PRICKLE3: variants seen among roughly 807,000 people sequenced by gnomAD.
The protein encoded by PRICKLE3 is prickle planar cell polarity protein 3.
In PRICKLE3, 17 loss-of-function variants were observed where a neutral mutation model predicts 33.8. That is an observed-to-expected ratio of 0.50 (90% CI 0.34 to 0.75). The LOEUF (loss-of-function observed/expected upper bound fraction) is 0.75. Ranked by LOEUF, PRICKLE3 falls within the 30% of genes least tolerant of loss-of-function variation. The probability of loss-of-function intolerance (pLI) is 0.01; values close to 1 mark genes in which losing one functional copy is unlikely to be tolerated. For synonymous variants in PRICKLE3, 211 were observed against 219.6 expected, an observed-to-expected ratio of 0.96 and a Z score of 0.34; for missense variants, 573 against 576.7, an observed-to-expected ratio of 0.99 and a Z score of 0.07.
At position 49,175,685 on chromosome X, in the gene PRICKLE3, G is replaced by A. The variant is rs782597983; in HGVS notation, c.1836C>T (p.Cys612=). ...GMPRQARDKN[C]IVA Reference sequence around the variant, plus strand: ...GGACGGCCTGCCTTCAAGCCACGATGCAGTTCTTGTCTCGGGCCTGACGAG... The same window carrying A: ...GGACGGCCTGCCTTCAAGCCACGATACAGTTCTTGTCTCGGGCCTGACGAG... Residue 612 remains cysteine, a synonymous_variant, in exon 9 of 9, where the codon TGC becomes TGT. Transcript: ENST00000599218. The A allele has an allele frequency of 9.3e-5, 113 of 1,208,693 alleles. No homozygotes were observed. The Admixed American group carries it at 2.4e-3, about 26-fold the overall frequency.
At chrX:49,178,585 T>G in intron 5 of PRICKLE3, 110 bp from the exon 6 acceptor site, 1 of 789,499 alleles carries the variant, frequency 1.3e-6, no homozygotes, top group South Asian at 2.5e-5. Flanking sequence ...AGTGAAACTT[T>G]GTGATCAGCC....
Position 49,177,158 on chromosome X carries a change from C to A in PRICKLE3, c.1000G>T (p.Ala334Ser). Residue 334 changes from alanine to serine, a missense_variant, in exon 8 of 9, where the codon GCC becomes TCC. Transcript: ENST00000599218. The part of the protein sequence containing the change: ...QMAYEGQHWH[A>S]SDRCFCCSRC... ...CTACAGCAGAAGCAGCGGTCTGAGGCATGCCAGTGCTGGCCCTCGTAAGCC... is the reference window on the plus strand; with the variant it reads ...CTACAGCAGAAGCAGCGGTCTGAGGAATGCCAGTGCTGGCCCTCGTAAGCC... 1 of 1,193,075 alleles carries A rather than the reference C, an allele frequency of 8.4e-7. No individual in the cohort carries two copies. Among genetic ancestry groups the A allele is most frequent in the Admixed American group, 2.3e-5 (1 of 43,011 alleles).
Position 49,186,321 on chromosome X carries a change from CG to C in PRICKLE3, c.-25del. 1 of 1,121,022 alleles carries C rather than the reference CG, an allele frequency of 8.9e-7. No individual in the cohort carries two copies. The highest frequency in any genetic ancestry group is 1.2e-6 in the Non-Finnish European group (1 of 850,723). The allele number at this position is 1,121,022 out of a possible 1,213,427, so 92.4% of individuals were successfully genotyped here. A position where few individuals can be genotyped will look rare whatever the true frequency, so the allele number is the denominator to read the frequency against. Reference sequence around the variant, plus strand: ...ATGGCGCGCCCGGGCAGGGTCAAGCCGGGCCGGGTCAGGCGAATGTAATCCT... The same window carrying C: ...ATGGCGCGCCCGGGCAGGGTCAAGCCGGCCGGGTCAGGCGAATGTAATCCT... On this transcript the variant is annotated 5_prime_UTR_variant, in exon 1 of 9. Transcript: ENST00000599218.
At position 49,175,122 on chromosome X, in the gene PRICKLE3, G is replaced by T; in HGVS notation, c.*551C>A. 4.8e-6 allele frequency: 1 copy of T among 206,718 alleles called. No homozygotes were observed. Among genetic ancestry groups the T allele is most frequent in the Non-Finnish European group, 8.8e-6 (1 of 112,997 alleles). The allele number at this position is 206,718 out of a possible 1,213,427, so 17.0% of individuals were successfully genotyped here. A position where few individuals can be genotyped will look rare whatever the true frequency, so the allele number is the denominator to read the frequency against. On this transcript the variant is annotated 3_prime_UTR_variant, in exon 9 of 9. Transcript: ENST00000599218. Reference sequence around the variant, plus strand: ...GAATAAAGTAATCCTTTCATCAAATGTGGGTAAATTTCAAGCATCAGGAGG... The same window carrying T: ...GAATAAAGTAATCCTTTCATCAAATTTGGGTAAATTTCAAGCATCAGGAGG...
rs782285670 is a variant in PRICKLE3 at position 49,176,102 on chromosome X, G to A, written c.1419C>T (p.Arg473=). ...DSAFGRQSTP[R]VSFRDPLVSE... ...ACACCAGAGGGTCGCGGAAGCTGAC[G>A]CGTGGGGTGCTCTGACGACCGAAGG... The change falls in exon 9 of 9, where the codon CGC becomes CGT. Residue 473 remains arginine, a synonymous_variant. Coordinates refer to ENST00000599218, the MANE Select transcript of PRICKLE3 (RefSeq NM_006150.5). 19 of 1,205,271 alleles carry A rather than the reference G, an allele frequency of 1.6e-5. No individual in the cohort carries two copies. Among genetic ancestry groups the A allele is most frequent in the African/African-American group, 3.5e-5 (2 of 56,931 alleles).
In PRICKLE3 at chrX:49,183,579, C is replaced by T. The variant is rs112869292; in HGVS notation, c.312+155G>A. 16,943 of 1,111,117 alleles carry T rather than the reference C, an allele frequency of 0.015. 1,674 individuals carry two copies. The African/African-American group carries it at 0.28, about 18-fold the overall frequency. 91.6% of individuals were successfully genotyped at this position (1,111,117 alleles called of 1,213,427 possible). A position where few individuals can be genotyped will look rare whatever the true frequency, so the allele number is the denominator to read the frequency against. ...CACCCAAGGTATGGGGGGCTGACCA[C>T]TCTTCCATCACAGAGGGGCCAGAAG... is the stretch of plus-strand genomic sequence containing the variant. On this transcript the variant is annotated intron_variant, in intron 3 of 8. Coordinates refer to ENST00000599218, the MANE Select transcript of PRICKLE3 (RefSeq NM_006150.5).
intron 3 of PRICKLE3, 90 bp from the exon 4 acceptor site, chrX:49,179,896 GA>G: frequency 2.0e-6 from 1 of 505,240 alleles, no homozygotes; most frequent in South Asian, 3.2e-5. Context: ...CTCAGAAAAT[GA>G]AAGGCATTAG....
intron 3 of PRICKLE3, among the ~76,000 whole-genome samples, chrX:49,181,386 G>GTA (rs1319916584): frequency 1.5e-3 from 132 of 87,682 alleles, no homozygotes; most frequent in African/African-American, 5.9e-3. Context: ...ATATGTGTGT[G>GTA]TGTATATATA....
chrX:49,185,016 C>G (rs782427469), intron 1 of PRICKLE3: 2 of 609,641 alleles, frequency 3.3e-6, no homozygotes, highest in Admixed American at 9.2e-5. Context: ...AGCCTTAGAT[C>G]CTTCCAGGGC....
chrX:49,181,531 G>GTA (rs202160787), intron 3 of PRICKLE3, among the ~76,000 whole-genome samples: 1 of 49,248 alleles, frequency 2.0e-5, no homozygotes, highest in Admixed American at 2.6e-4. Flanking sequence ...GTATATATGT[G>GTA]TATATATATA....
chrX:49,183,486 T>C, intron 3 of PRICKLE3: 1 of 631,850 alleles, frequency 1.6e-6, no homozygotes, highest in Non-Finnish European at 2.3e-6. Flanking sequence ...TGAGACCCTG[T>C]CTCAAAAACA....
chrX:49,180,035 C>CTTTTTTTT (rs150588040), intron 3 of PRICKLE3, among the ~76,000 whole-genome samples: 2 of 54,384 alleles, frequency 3.7e-5, no homozygotes, highest in African/African-American at 1.5e-4. Context: ...TGCTGATCAC[C>CTTTTTTTT]TTTTTTTTTT....
In PRICKLE3 at chrX:49,178,004, C is replaced by T. The variant is rs1557100380; in HGVS notation, c.944G>A (p.Gly315Glu). 8.7e-7 allele frequency: 1 copy of T among 1,145,189 alleles called. No homozygotes were observed. Among genetic ancestry groups the T allele is most frequent in the African/African-American group, 1.8e-5 (1 of 55,082 alleles). 94.4% of individuals were successfully genotyped at this position (1,145,189 alleles called of 1,213,427 possible). ...CAGCATTCACCCACCGATGTGCTCC[C>T]CACAGCCATCACAGTACTCCGCGTG... ...ARHAEYCDGC[G>E]EHIGLDQGQM... is the part of the protein sequence containing the mutation. The change falls in exon 7 of 9, where the codon GGG becomes GAG. Residue 315 changes from glycine (G) to glutamate (E), a missense_variant. Transcript: ENST00000599218.
chrX:49,185,170 G>T (rs2147877692), intron 1 of PRICKLE3, among the ~76,000 whole-genome samples: 1 of 111,294 alleles, frequency 9.0e-6, no homozygotes, highest in Non-Finnish European at 1.9e-5. Flanking sequence ...TAGGAGACGA[G>T]ACCGCATTCT....
rs1426953356 is a variant in PRICKLE3 at position 49,179,761 on chromosome X, C to T, written c.358G>A (p.Val120Ile). The T allele has an allele frequency of 8.5e-7, 1 of 1,181,363 alleles. No individual in the cohort carries two copies. The highest frequency in any genetic ancestry group is 1.1e-6 in the Non-Finnish European group (1 of 877,823). ...SCLPEDKVPY[V>I]NSPGEKYRIK... is the part of the protein sequence containing the mutation. ...CTGTATTTCTCCCCAGGACTGTTGA[C>T]GTAGGGGACCTTGTCCTCTGGGAGG... Residue 120 changes from valine (V) to isoleucine (I), a missense_variant, in exon 4 of 9, where the codon GTC (valine) becomes ATC (isoleucine). Transcript: ENST00000599218.
chrX:49,179,345 A>T lies in PRICKLE3; in HGVS notation c.470T>A (p.Leu157His). The T allele has an allele frequency of 8.3e-7, 1 of 1,210,765 alleles. No individual in the cohort carries two copies. Among genetic ancestry groups the T allele is most frequent in the Non-Finnish European group, 1.1e-6 (1 of 895,162 alleles). ...CTTCCGCTGCTGGCTAAAGGCTCGG[A>T]GCTCTTTCTTTTCCTCCTCTTCCAG... is the stretch of plus-strand genomic sequence containing the variant. ...TALEEEEKKE[L>H]RAFSQQRKRE... is the part of the protein sequence containing the mutation. Residue 157 changes from leucine to histidine, a missense_variant, in exon 5 of 9, where the codon CTC (leucine) becomes CAC (histidine). Physicochemically the swap from Leu to His is moderately conservative, Grantham distance 99. Coordinates refer to ENST00000599218, the MANE Select transcript of PRICKLE3 (RefSeq NM_006150.5).
At chrX:49,181,228 C>T (rs1360109775) in intron 3 of PRICKLE3, among the ~76,000 whole-genome samples, 2 of 106,454 alleles carry the variant, frequency 1.9e-5, no homozygotes, top group Non-Finnish European at 3.9e-5. Context: ...ATCATCCAGG[C>T]GTGATGATGC....
chrX:49,179,693 C>T lies in PRICKLE3; in HGVS notation c.426G>A (p.Glu142=). 3.4e-6 allele frequency: 4 copies of T among 1,168,327 alleles called. No individual in the cohort carries two copies. Among genetic ancestry groups the T allele is most frequent in the Non-Finnish European group, 4.6e-6 (4 of 865,669 alleles). The change falls in exon 4 of 9, where the codon GAG becomes GAA. Residue 142 remains glutamate (E), a splice_region_variant and synonymous_variant. Coordinates refer to ENST00000599218, the MANE Select transcript of PRICKLE3 (RefSeq NM_006150.5). ...LLHQLPPHDS[E]AQYCTALEEE... Reference sequence around the variant, plus strand: ...CCCTTCCTGTCTTCTCTCTCCTCACCTCACTGTCGTGTGGGGGCAGCTGGT... The same window carrying T: ...CCCTTCCTGTCTTCTCTCTCCTCACTTCACTGTCGTGTGGGGGCAGCTGGT...
At position 49,176,229 on chromosome X, in the gene PRICKLE3, C is replaced by T. The variant is rs1557100021; in HGVS notation, c.1292G>A (p.Gly431Glu). 1 of 1,151,538 alleles carries T rather than the reference C, an allele frequency of 8.7e-7. No individual in the cohort carries two copies. Among genetic ancestry groups the T allele is most frequent in the Non-Finnish European group, 1.2e-6 (1 of 866,490 alleles). The allele number at this position is 1,151,538 out of a possible 1,213,427, so 94.9% of individuals were successfully genotyped here. Reference sequence around the variant, plus strand: ...CGGCATGGAGTGGCGGTGGGGAGCCCCTCTCAGAAAGCGGGAGGGCTCCTC... The same window carrying T: ...CGGCATGGAGTGGCGGTGGGGAGCCTCTCTCAGAAAGCGGGAGGGCTCCTC... ...GPEEPSRFLR[G>E]APHRHSMPEL... The change falls in exon 9 of 9, where the codon GGG becomes GAG. Residue 431 changes from glycine (G) to glutamate (E), a missense_variant. Gly to Glu is a moderately conservative substitution (Grantham distance 98, BLOSUM62 -2). Coordinates refer to ENST00000599218, the MANE Select transcript of PRICKLE3 (RefSeq NM_006150.5).
Sources: allele counts gnomAD v4.1 joint callset (sites outside exome capture counted in the v4.1 genomes callset), GRCh38; gene constraint gnomAD v4.1.1; transcripts MANE v1.5; gene names NCBI Gene and HGNC (gene_info 2026-07-23, HGNC 2026-07-21).